Variants in CEP76 observed in about 807,000 individuals in gnomAD.
CEP76 encodes the protein centrosomal protein of 76 kDa.
Under a neutral mutation model 83.3 loss-of-function variants are expected in CEP76, and 55 were observed. That is an observed-to-expected ratio of 0.66 (90% confidence interval 0.53 to 0.83). The LOEUF is 0.83. Ranked by LOEUF, CEP76 falls within the 40% of genes least tolerant of loss-of-function variation. CEP76 has a pLI of 0.00. For synonymous variants in CEP76, 270 were observed against 274.5 expected (o/e 0.98, Z 0.16); for missense variants, 694 against 799.5 (o/e 0.87, Z 1.59).
In CEP76 at chr18:12,700,078, A is replaced by C. The variant is rs910783998; in HGVS notation, c.220-173T>G. 1.9e-5 allele frequency: 8 copies of C among 431,138 alleles called. 1 individual carries two copies. Among genetic ancestry groups the C allele is most frequent in the Middle Eastern group, 6.0e-4 (1 of 1,674 alleles). The allele number at this position is 431,138 out of a possible 1,614,324, so 26.7% of individuals were successfully genotyped here. ...TAATGAAAATAAAAGCCTGCATAAA[A>C]GATGATGTAAACTGATCACTCCTAA... On this transcript the variant is annotated intron_variant, in intron 2 of 11. Transcript: ENST00000262127.
chr18:12,683,936 A>G (rs2039446212), intron 8 of CEP76, among the ~76,000 whole-genome samples: 1 of 151,408 alleles, frequency 6.6e-6, no homozygotes, highest in Non-Finnish European at 1.5e-5. Flanking sequence ...TTATAGGTAA[A>G]GTTTCACCAT....
At chr18:12,665,984 C>T (rs971177518) in intron 12 of CEP76, among the ~76,000 whole-genome samples, 91 of 152,200 alleles carry the variant, frequency 6.0e-4, no homozygotes, top group African/African-American at 2.0e-3. Flanking sequence ...CGTGAGCCAC[C>T]GTGCCCGGCC....
In CEP76 at chr18:12,673,087, AACT is replaced by A; in HGVS notation, c.*275_*277del. The A allele has an allele frequency of 2.0e-6, 2 of 999,858 alleles. No homozygotes were observed. The highest frequency in any genetic ancestry group is 2.4e-6 in the Non-Finnish European group (2 of 822,632). 61.9% of individuals were successfully genotyped at this position (999,858 alleles called of 1,614,324 possible). A position where few individuals can be genotyped will look rare whatever the true frequency, so the allele number is the denominator to read the frequency against. On this transcript the variant is annotated 3_prime_UTR_variant, in exon 12 of 12. Coordinates refer to ENST00000262127, the MANE Select transcript of CEP76 (RefSeq NM_024899.4). ...TGAATGCATTTTATATTAATATTTA[AACT>A]ACTGATAACTGTAAACAAAGTAGCA...
chr18:12,691,265 AAT>A (rs1375118794), intron 7 of CEP76, 92 bp downstream of exon 7: 20 of 778,580 alleles, frequency 2.6e-5, no homozygotes, highest in Non-Finnish European at 3.6e-5. Flanking sequence ...TATTTTTTGG[AAT>A]ACATTTTACA....
rs565097722 is a variant in CEP76 at position 12,701,900 on chromosome 18, G to A, written c.63+586C>T. 5.3e-5 allele frequency among the ~76,000 whole-genome samples: 8 copies of A among 152,308 alleles called. No homozygotes were observed. In the South Asian group the frequency reaches 8.3e-4, roughly 16 times the overall value. ...AATCCCAGCACTTTAGGAGGCCGAG[G>A]CGGCCGGATCACGAAGTCAGGAGTT... On this transcript the variant is annotated intron_variant, in intron 1 of 11. Coordinates refer to ENST00000262127, the MANE Select transcript of CEP76 (RefSeq NM_024899.4).
chr18:12,702,057 C>T lies in CEP76; in HGVS notation c.63+429G>A, dbSNP rs796638668. ...CGGAGAATCGCTTAAACCTGGGAGG[C>T]GGAGGTTGCAGTGAGCCGAGATCGT... On this transcript the variant is annotated intron_variant, in intron 1 of 11. Coordinates refer to ENST00000262127, the MANE Select transcript of CEP76 (RefSeq NM_024899.4). Among the ~76,000 whole-genome samples the T allele has an allele frequency of 3.9e-5, 6 of 152,214 alleles. No homozygotes were observed. The South Asian group carries it at 6.2e-4, about 16-fold the overall frequency.
intron 2 of CEP76, 106 bp from the exon 3 acceptor site, chr18:12,700,011 G>A (rs2040098091): frequency 6.9e-6 from 4 of 575,900 alleles, no homozygotes; most frequent in South Asian, 3.8e-5. Flanking sequence ...AACAGGGTAA[G>A]GCCCTTTCAA....
chr18:12,670,055 T>G (rs1191229031), downstream of CEP76, among the ~76,000 whole-genome samples: 1 of 148,790 alleles, frequency 6.7e-6, no homozygotes, highest in Admixed American at 6.7e-5. Flanking sequence ...ATAGGCCAGG[T>G]GCGATGGTCC....
rs1384389986 is a variant in CEP76 at position 12,690,676 on chromosome 18, C to T, written c.933+683G>A. On this transcript the variant is annotated intron_variant, in intron 7 of 11. Coordinates refer to ENST00000262127, the MANE Select transcript of CEP76 (RefSeq NM_024899.4). ...TTCACCGTGTTAGCCAGGATGGTCT[C>T]GATCTCCTGACCTCTTGATCCACCC... 2.6e-5 allele frequency among the ~76,000 whole-genome samples: 4 copies of T among 152,084 alleles called. No individual in the cohort carries two copies. In the East Asian group the frequency reaches 5.8e-4, roughly 22 times the overall value.
chr18:12,702,138 A>C (rs1254902041), intron 1 of CEP76, among the ~76,000 whole-genome samples: 1 of 152,156 alleles, frequency 6.6e-6, no homozygotes, highest in Admixed American at 6.5e-5. Flanking sequence ...AAGAAAAAAA[A>C]CCTGATATCT....
rs918343082 is a variant in CEP76, at chr18:12,691,345, T to C, written c.933+14A>G. 16 of 1,523,728 alleles carry C rather than the reference T, an allele frequency of 1.1e-5. No homozygotes were observed. Among genetic ancestry groups the C allele is most frequent in the Admixed American group, 2.1e-5 (1 of 47,042 alleles). The allele number at this position is 1,523,728 out of a possible 1,614,324, so 94.4% of individuals were successfully genotyped here. ...AAATACAGGCATAAAATTATTCTAA[T>C]ATAATTTACAAACCTGTGCAAAAAT... is the stretch of plus-strand genomic sequence containing the variant. On this transcript the variant is annotated intron_variant, in intron 7 of 11. Transcript: ENST00000262127.
chr18:12,687,143 T>TA (rs1218187313), intron 7 of CEP76, among the ~76,000 whole-genome samples: 2 of 152,188 alleles, frequency 1.3e-5, no homozygotes, highest in African/African-American at 4.8e-5. Flanking sequence ...TGGTTACTGA[T>TA]ACGGCACTGT....
chr18:12,665,462 C>G (rs1374997629), intron 12 of CEP76, among the ~76,000 whole-genome samples: 1 of 152,156 alleles, frequency 6.6e-6, no homozygotes, highest in Non-Finnish European at 1.5e-5. Context: ...TCCTCCTCAT[C>G]TTTTGTATAA....
At chr18:12,693,599 A>G (rs1039141260) in intron 6 of CEP76, among the ~76,000 whole-genome samples, 3 of 152,150 alleles carry the variant, frequency 2.0e-5, no homozygotes, top group Admixed American at 6.6e-5. Context: ...CCTGGCCAAC[A>G]TGGTGAAACC....
intron 7 of CEP76, among the ~76,000 whole-genome samples, chr18:12,688,401 T>C (rs922490171): frequency 1.3e-5 from 2 of 152,178 alleles, no homozygotes; most frequent in Admixed American, 1.3e-4. Flanking sequence ...TTAAGTATAA[T>C]GGCCACGGCA....
Position 12,678,223 on chromosome 18 carries a change from T to G in CEP76, c.1509A>C (p.Gly503=). 6.2e-7 allele frequency: 1 copy of G among 1,614,148 alleles called. No homozygotes were observed. Among genetic ancestry groups the G allele is most frequent in the Non-Finnish European group, 8.5e-7 (1 of 1,180,008 alleles). ...EEAIKSVCAP[G]ATTSLPPFPP... is the part of the protein sequence containing the mutation. ...GAAAGGGAGGAAGGGATGTTGTAGC[T>G]CCAGGAGCACACACAGATTTAATTG... Residue 503 remains glycine (G), a synonymous_variant, in exon 10 of 12, where the codon GGA becomes GGC. Coordinates refer to ENST00000262127, the MANE Select transcript of CEP76 (RefSeq NM_024899.4).
chr18:12,671,638 CTTTCTTTTTTT>C (rs1456730425), downstream of CEP76, among the ~76,000 whole-genome samples: 1,230 of 82,908 alleles, frequency 0.015, 14 homozygotes, highest in African/African-American at 0.047. Context: ...AGGTTTCACA[CTTTCTTTTTTT>C]TTTTTTTTTT....
chr18:12,688,770 G>A (rs543515742), intron 7 of CEP76, among the ~76,000 whole-genome samples: 1 of 152,202 alleles, frequency 6.6e-6, no homozygotes, highest in East Asian at 1.9e-4. Context: ...TCAGTACATG[G>A]CTGGTGGCTA....
At chr18:12,686,146 G>T in intron 8 of CEP76, 116 bp downstream of exon 8, 1 of 682,842 alleles carries the variant, frequency 1.5e-6, no homozygotes. Flanking sequence ...CAGAACCTGT[G>T]GGTACAGAGG....
Sources: allele counts gnomAD v4.1 joint callset (sites outside exome capture counted in the v4.1 genomes callset), GRCh38; gene constraint gnomAD v4.1.1; transcripts MANE v1.5; gene names NCBI Gene and HGNC (gene_info 2026-07-23, HGNC 2026-07-21).